ACOT7: variants seen among roughly 807,000 people sequenced by gnomAD.
ACOT7 encodes the protein cytosolic acyl coenzyme A thioester hydrolase.
A neutral mutation model predicts 40.2 loss-of-function variants in ACOT7; 12 were observed. The ratio of observed to expected loss-of-function variants is 0.30; its 90% CI spans 0.19 to 0.48. ACOT7 has a LOEUF of 0.48. ACOT7 is among the 20% of genes least tolerant of loss of function. The pLI is 0.99. For missense variants in ACOT7, 395 were observed against 530.8 expected (o/e 0.74, Z 2.51); for synonymous variants, 228 against 219.5 (o/e 1.04, Z -0.34).
At chr1:6,368,304 G>A (rs947788565) in intron 1 of ACOT7, among the ~76,000 whole-genome samples, 25 of 152,168 alleles carry the variant, frequency 1.6e-4, no homozygotes, top group African/African-American at 6.0e-4. Flanking sequence ...TCCCATGCCT[G>A]TTGGTGCCCA....
chr1:6,298,752 A>T (rs1639882457), intron 6 of ACOT7, among the ~76,000 whole-genome samples: 1 of 152,184 alleles, frequency 6.6e-6, no homozygotes, highest in Admixed American at 6.5e-5. Context: ...TCTCTCTCCC[A>T]TGGCAAGGGG....
At position 6,339,484 on chromosome 1, in the gene ACOT7, T is replaced by G. The variant is rs1486631482; in HGVS notation, c.367A>C (p.Lys123Gln). ...TTGACCTGCACCTCCACAGAGTGCTTGGAGGTGTAGGTGATCTCCGCGCTG... is the reference window on the plus strand; with the variant it reads ...TTGACCTGCACCTCCACAGAGTGCTGGGAGGTGTAGGTGATCTCCGCGCTG... ...HVSAEITYTS[K>Q]HSVEVQVNVM... The change falls in exon 3 of 9, where the codon AAG becomes CAG. Residue 123 changes from lysine (K) to glutamine (Q), a missense_variant. This residue lies in a region of ACOT7 where 309 missense variants were observed against 470.3 expected (regional missense o/e 0.66). Transcript: ENST00000361521. 2.5e-6 allele frequency: 4 copies of G among 1,613,620 alleles called. No individual in the cohort carries two copies. The highest frequency in any genetic ancestry group is 8.5e-7 in the Non-Finnish European group (1 of 1,180,028).
At chr1:6,382,108 A>G (rs989659303) in intron 1 of ACOT7, among the ~76,000 whole-genome samples, 1 of 139,984 alleles carries the variant, frequency 7.1e-6, no homozygotes, top group Admixed American at 7.4e-5. Flanking sequence ...ACTGCACTCC[A>G]GCCTGGGCGA....
In ACOT7 at chr1:6,288,236, G is replaced by A. The variant is rs552230994; in HGVS notation, c.829+6628C>T. On this transcript the variant is annotated intron_variant, in intron 7 of 8. Coordinates refer to ENST00000361521, the MANE Select transcript of ACOT7 (RefSeq NM_007274.4). The surrounding 1 kb of genome is among the most constrained non-coding windows in gnomAD (Gnocchi z 4.3). ...CGGGCTCCAGCCTGTCGTGGCCCTC[G>A]CGTCCCCAGCACCAACTCCGTTGCT... Among the ~76,000 whole-genome samples the A allele has an allele frequency of 6.6e-6, 1 of 152,224 alleles. No individual in the cohort carries two copies. Among genetic ancestry groups the A allele is most frequent in the South Asian group, 2.1e-4 (1 of 4,824 alleles).
chr1:6,271,995 G>A (rs778255064), intron 8 of ACOT7, among the ~76,000 whole-genome samples: 26 of 152,380 alleles, frequency 1.7e-4, no homozygotes, highest in Middle Eastern at 3.4e-3. Flanking sequence ...CGGGACGCTC[G>A]GCTCACAGCT....
chr1:6,339,700 G>T, intron 2 of ACOT7, 111 bp from the exon 3 acceptor site: 5 of 1,266,954 alleles, frequency 3.9e-6, no homozygotes, highest in African/African-American at 1.5e-5. Context: ...ATTCCCCACT[G>T]TGAAAGCAAC....
intron 1 of ACOT7, among the ~76,000 whole-genome samples, chr1:6,381,927 G>A (rs1237045378): frequency 7.1e-6 from 1 of 141,436 alleles, no homozygotes; most frequent in Non-Finnish European, 1.5e-5. Flanking sequence ...GAGGTCAGGA[G>A]ATCGAGACCA....
rs1433179956 is a variant in ACOT7 at position 6,359,752 on chromosome 1, G to C, written c.144-9886C>G. Among the ~76,000 whole-genome samples, 1 of 152,194 alleles carries C rather than the reference G, an allele frequency of 6.6e-6. No individual in the cohort carries two copies. The highest frequency in any genetic ancestry group is 1.5e-5 in the Non-Finnish European group (1 of 68,030). ...ACCTCCCCCAATGCTGCCCCCACCA[G>C]GGCTGCTTTCCCAGGAATCCTGTGA... On this transcript the variant is annotated intron_variant, in intron 1 of 8. Transcript: ENST00000361521. This position sits in a 1 kb window ranked among gnomAD's most constrained non-coding sequence, Gnocchi z 4.1.
chr1:6,293,920 C>T (rs1639740005), intron 7 of ACOT7, among the ~76,000 whole-genome samples: 1 of 152,318 alleles, frequency 6.6e-6, no homozygotes, highest in South Asian at 2.1e-4. Flanking sequence ...CTGCCGGAGA[C>T]AGCACCAAGG....
chr1:6,349,923 G>T, intron 1 of ACOT7, 57 bp from the exon 2 acceptor site: 1 of 1,546,794 alleles, frequency 6.5e-7, no homozygotes, highest in Non-Finnish European at 8.9e-7. Flanking sequence ...TTGTGCAACA[G>T]TGACAATCCA....
intron 1 of ACOT7, chr1:6,385,757 A>T: frequency 6.7e-7 from 1 of 1,494,520 alleles, no homozygotes; most frequent in Non-Finnish European, 8.9e-7. Context: ...CTCAGCAGTG[A>T]GCCGGTGTGA....
intron 6 of ACOT7, 173 bp from the exon 7 acceptor site, chr1:6,295,153 G>A (rs948370728): frequency 3.7e-6 from 2 of 536,600 alleles, no homozygotes; most frequent in African/African-American, 3.8e-5. Flanking sequence ...CGCGCTACAT[G>A]GGGCTTCCTC....
chr1:6,280,919 C>T (rs1639336440), intron 8 of ACOT7, among the ~76,000 whole-genome samples, 183 bp downstream of exon 8: 2 of 152,162 alleles, frequency 1.3e-5, no homozygotes, highest in African/African-American at 4.8e-5. Context: ...TTCTCAAGGC[C>T]TCACCGGATC....
intron 2 of ACOT7, among the ~76,000 whole-genome samples, chr1:6,348,180 C>T (rs1641486254): frequency 6.6e-6 from 1 of 152,140 alleles, no homozygotes; most frequent in African/African-American, 2.4e-5. Flanking sequence ...CAATCTACCC[C>T]CAGCCCAGCC....
chr1:6,378,098 C>T (rs747178565), intron 1 of ACOT7, among the ~76,000 whole-genome samples: 10 of 151,222 alleles, frequency 6.6e-5, no homozygotes, highest in Non-Finnish European at 1.2e-4. Flanking sequence ...AAACAAACAA[C>T]GGCACCAGTT....
intron 8 of ACOT7, among the ~76,000 whole-genome samples, chr1:6,280,314 C>T (rs1216319295): frequency 6.6e-6 from 1 of 152,228 alleles, no homozygotes; most frequent in Non-Finnish European, 1.5e-5. Flanking sequence ...GGCTGCAGAG[C>T]CCCTGGGGTC....
chr1:6,344,237 G>A (rs908279001), intron 2 of ACOT7, among the ~76,000 whole-genome samples: 37 of 152,190 alleles, frequency 2.4e-4, no homozygotes, highest in Admixed American at 1.6e-3. Context: ...GCAGGTCCAA[G>A]GGTCGCTCAG....
At position 6,305,018 on chromosome 1, in the gene ACOT7, G is replaced by A. The variant is rs1279861918; in HGVS notation, c.713-10038C>T. ...TCCCGGACGGGGCGGCTGGCCGGGC[G>A]GGGCGCTGACCCCCCCGCCTCCCTC... On this transcript the variant is annotated intron_variant, in intron 6 of 8. Coordinates refer to ENST00000361521, the MANE Select transcript of ACOT7 (RefSeq NM_007274.4). Among the ~76,000 whole-genome samples, 22 of 149,850 alleles carry A rather than the reference G, an allele frequency of 1.5e-4. No individual in the cohort carries two copies. The East Asian group carries it at 2.0e-3, about 14-fold the overall frequency.
intron 2 of ACOT7, 113 bp from the exon 3 acceptor site, chr1:6,339,702 G>T: frequency 4.9e-6 from 6 of 1,212,328 alleles, no homozygotes; most frequent in Non-Finnish European, 6.7e-6. Context: ...TCCCCACTGT[G>T]AAAGCAACCA....
Sources: allele counts gnomAD v4.1 joint callset (sites outside exome capture counted in the v4.1 genomes callset), GRCh38; gene constraint gnomAD v4.1.1; regional missense constraint gnomAD v4.1.1; non-coding constraint Gnocchi (gnomAD v3.1); transcripts MANE v1.5; gene names NCBI Gene and HGNC (gene_info 2026-07-23, HGNC 2026-07-21).